The following TRPC6 variants were observed in gnomAD, a reference collection of about 807,000 sequenced individuals.
The protein encoded by TRPC6 is transient receptor potential cation channel subfamily C member 6.
TRPC6 carries 55 observed loss-of-function variants against 90.7 expected under a neutral mutation model. The observed-to-expected ratio is 0.61, with a 90% CI of 0.49 to 0.76. The LOEUF (loss-of-function observed/expected upper bound fraction) is 0.76. Ranked by LOEUF, TRPC6 falls within the 30% of genes least tolerant of loss-of-function variation. TRPC6 has a pLI of 0.00. For missense variants in TRPC6, 989 were observed against 1,122.7 expected, an observed-to-expected ratio of 0.88 and a Z score of 1.70; for synonymous variants, 393 against 393.0, an observed-to-expected ratio of 1.00 and a Z score of 0.00.
rs1048458075 is a variant in TRPC6, at chr11:101,451,585, G to A, written c.*1370C>T. The A allele has an allele frequency of 6.6e-6, 1 of 152,170 alleles. No homozygotes were observed. The highest frequency in any genetic ancestry group is 6.5e-5 in the Admixed American group (1 of 15,268). 9.4% of individuals were successfully genotyped at this position (152,170 alleles called of 1,614,324 possible). ...AAAATATTTGAAAATCGATCTTTAT[G>A]TATCACCAAGTAACTTTTCCATAAG... On this transcript the variant is annotated 3_prime_UTR_variant, in exon 13 of 13. Transcript: ENST00000344327.
chr11:101,455,266 G>T, intron 10 of TRPC6, 165 bp from the exon 11 acceptor site: 1 of 610,798 alleles, frequency 1.6e-6, no homozygotes, highest in South Asian at 1.9e-5. Context: ...ACAAATCAGT[G>T]ACATTTTAGG....
At chr11:101,547,245 A>T (rs547179906) in intron 1 of TRPC6, among the ~76,000 whole-genome samples, 2 of 147,790 alleles carry the variant, frequency 1.4e-5, no homozygotes, top group African/African-American at 2.5e-5. Flanking sequence ...CATTATTATT[A>T]CAAAGCATTA....
At chr11:101,485,334 A>C (rs73587985) in intron 4 of TRPC6, among the ~76,000 whole-genome samples, 2,066 of 152,178 alleles carry the variant, frequency 0.014, 30 homozygotes, top group African/African-American at 0.031. Flanking sequence ...TGGCAAAATT[A>C]AAACAAATGG....
At chr11:101,461,778 C>T (rs1859010585) in intron 10 of TRPC6, among the ~76,000 whole-genome samples, 1 of 152,120 alleles carries the variant, frequency 6.6e-6, no homozygotes. Flanking sequence ...AAGACATGGG[C>T]TCTATCTTCC....
intron 9 of TRPC6, among the ~76,000 whole-genome samples, chr11:101,470,826 G>A (rs1031705490): frequency 1.7e-4 from 16 of 95,312 alleles, no homozygotes; most frequent in African/African-American, 5.4e-4. Context: ...CCCTCCCCGA[G>A]TCATAACAAG....
chr11:101,465,644 A>G (rs542298098), intron 10 of TRPC6, among the ~76,000 whole-genome samples: 8 of 152,234 alleles, frequency 5.3e-5, no homozygotes, highest in East Asian at 1.9e-4. Context: ...CCATCAGGTC[A>G]TATATGTTCT....
At position 101,501,799 on chromosome 11, in the gene TRPC6, G is replaced by C. The variant is rs560151588; in HGVS notation, c.945+2225C>G. Among the ~76,000 whole-genome samples, 154 of 152,062 alleles carry C rather than the reference G, an allele frequency of 1.0e-3. 1 individual carries two copies. The highest frequency in any genetic ancestry group is 3.6e-3 in the African/African-American group (150 of 41,478). On this transcript the variant is annotated intron_variant, in intron 2 of 12. Coordinates refer to ENST00000344327, the MANE Select transcript of TRPC6 (RefSeq NM_004621.6). ...CTCCTTGTGCAGTAATTTTGAGTTA[G>C]GTTTCTAATTATAAAAATTGTCAAG...
chr11:101,571,142 T>C (rs543483898), intron 1 of TRPC6, among the ~76,000 whole-genome samples: 30 of 152,318 alleles, frequency 2.0e-4, no homozygotes, highest in Non-Finnish European at 3.4e-4. Context: ...GCCCAAAATC[T>C]CCTTAAGCTG....
chr11:101,513,389 T>C (rs112823296), intron 1 of TRPC6, among the ~76,000 whole-genome samples: 1 of 152,162 alleles, frequency 6.6e-6, no homozygotes, highest in Non-Finnish European at 1.5e-5. Flanking sequence ...CTAGATACAA[T>C]AATTTGACTT....
In TRPC6 at chr11:101,452,701, C is replaced by G; in HGVS notation, c.*254G>C. 3 of 470,422 alleles carry G rather than the reference C, an allele frequency of 6.4e-6. No individual in the cohort carries two copies. The highest frequency in any genetic ancestry group is 1.2e-5 in the Non-Finnish European group (3 of 259,194). The allele number at this position is 470,422 out of a possible 1,614,324, so 29.1% of individuals were successfully genotyped here. A position where few individuals can be genotyped will look rare whatever the true frequency, so the allele number is the denominator to read the frequency against. On this transcript the variant is annotated 3_prime_UTR_variant, in exon 13 of 13. Coordinates refer to ENST00000344327, the MANE Select transcript of TRPC6 (RefSeq NM_004621.6). ...CATCATCACAAGAGTTAGTTATATCCAAGAAAGCAGTTTATAAAACAAGCA... is the reference window on the plus strand; with the variant it reads ...CATCATCACAAGAGTTAGTTATATCGAAGAAAGCAGTTTATAAAACAAGCA...
At chr11:101,535,834 C>T (rs1454014806) in intron 1 of TRPC6, among the ~76,000 whole-genome samples, 4 of 152,046 alleles carry the variant, frequency 2.6e-5, no homozygotes, top group South Asian at 2.1e-4. Flanking sequence ...GTGAGAATAT[C>T]CTTTAAATAA....
intron 1 of TRPC6, among the ~76,000 whole-genome samples, chr11:101,545,794 C>T (rs1387851512): frequency 1.3e-5 from 2 of 152,084 alleles, no homozygotes; most frequent in African/African-American, 2.4e-5. Context: ...AGACATCTTT[C>T]CACTTGCTTG....
chr11:101,555,150 G>A (rs1418482316), intron 1 of TRPC6, among the ~76,000 whole-genome samples: 1 of 152,182 alleles, frequency 6.6e-6, no homozygotes, highest in East Asian at 1.9e-4. Context: ...CTTGTGAAGT[G>A]TACATTCACT....
intron 2 of TRPC6, among the ~76,000 whole-genome samples, chr11:101,503,697 T>C (rs114727010): frequency 9.3e-4 from 141 of 152,272 alleles, no homozygotes; most frequent in African/African-American, 3.3e-3. Context: ...AGCTGTGTTA[T>C]TTCCCATTTG....
intron 1 of TRPC6, among the ~76,000 whole-genome samples, chr11:101,505,091 G>T (rs1860227758): frequency 6.6e-6 from 1 of 152,118 alleles, no homozygotes; most frequent in Non-Finnish European, 1.5e-5. Context: ...CTATATAGAT[G>T]GTATAGACTT....
At chr11:101,507,925 T>G (rs1440229175) in intron 1 of TRPC6, among the ~76,000 whole-genome samples, 6 of 152,116 alleles carry the variant, frequency 3.9e-5, no homozygotes, top group Non-Finnish European at 8.8e-5. Flanking sequence ...ATGTTGGACA[T>G]CCTGTAATTG....
chr11:101,579,391 A>G (rs1862142592), intron 1 of TRPC6, among the ~76,000 whole-genome samples: 1 of 152,170 alleles, frequency 6.6e-6, no homozygotes, highest in Non-Finnish European at 1.5e-5. Flanking sequence ...TAAAAAATCC[A>G]CTAACTACTG....
intron 1 of TRPC6, among the ~76,000 whole-genome samples, chr11:101,553,464 C>T (rs978807843): frequency 6.6e-6 from 1 of 152,034 alleles, no homozygotes; most frequent in East Asian, 1.9e-4. Flanking sequence ...AAATATCTCC[C>T]GGCCTATTAA....
intron 2 of TRPC6, among the ~76,000 whole-genome samples, chr11:101,503,098 A>G (rs893476917): frequency 6.6e-6 from 1 of 152,210 alleles, no homozygotes. Flanking sequence ...GTAAAAGGTG[A>G]TGGGCATTAG....
Sources: gnomAD v4.1 joint callset for allele counts (sites outside exome capture counted in the v4.1 genomes callset) on GRCh38, gnomAD v4.1.1 for gene constraint, MANE v1.5 for transcripts, NCBI Gene and HGNC (gene_info 2026-07-23, HGNC 2026-07-21) for gene names.